Variants in LRPPRC observed in about 807,000 individuals in gnomAD.
LRPPRC encodes the protein leucine rich pentatricopeptide repeat containing.
Under a neutral mutation model 180.3 loss-of-function variants are expected in LRPPRC, and 120 were observed. The ratio of observed to expected loss-of-function variants is 0.67; its 90% CI spans 0.57 to 0.77. The LOEUF is 0.77. LRPPRC is among the 30% of genes least tolerant of loss of function. LRPPRC has a pLI of 0.00. For missense variants in LRPPRC, 2,012 were observed against 1,657.2 expected, an observed-to-expected ratio of 1.21 and a Z score of -3.72; for synonymous variants, 723 against 600.0, an observed-to-expected ratio of 1.21 and a Z score of -3.00.
In LRPPRC at chr2:43,989,866, C is replaced by T. The variant is rs775592528; in HGVS notation, c.149+5933G>A. Among the ~76,000 whole-genome samples the T allele has an allele frequency of 9.2e-5, 14 of 152,114 alleles. No homozygotes were observed. In the East Asian group the frequency reaches 2.7e-3, roughly 29 times the overall value. On this transcript the variant is annotated intron_variant, in intron 1 of 37. Coordinates refer to ENST00000260665, the MANE Select transcript of LRPPRC (RefSeq NM_133259.4). ...ACCCTGTTTCCTAATTTGTAATAACCCACGGAAGTTGAAATGTTTGTATGA... is the reference window on the plus strand; with the variant it reads ...ACCCTGTTTCCTAATTTGTAATAACTCACGGAAGTTGAAATGTTTGTATGA...
chr2:43,891,854 C>G (rs569914692), intron 36 of LRPPRC, among the ~76,000 whole-genome samples: 2 of 152,222 alleles, frequency 1.3e-5, no homozygotes, highest in African/African-American at 4.8e-5. Flanking sequence ...TTGCGTGGAA[C>G]AGCCAGTTGT....
chr2:43,935,014 G>A (rs568691756), intron 23 of LRPPRC, 136 bp from the exon 24 acceptor site: 12 of 619,436 alleles, frequency 1.9e-5, no homozygotes, highest in Non-Finnish European at 3.3e-5. Flanking sequence ...AAACCACAAA[G>A]CTAAAATGGG....
rs200115839 is a variant in LRPPRC, at chr2:43,957,374, G to C, written c.1649+11C>G. On this transcript the variant is annotated intron_variant, in intron 14 of 37. Transcript: ENST00000260665. ...TGTTCAGGCAAGGAACATTTAAGTT[G>C]ATCATCTTACCTCCTGAAGCCTAGC... 6.9e-6 allele frequency: 11 copies of C among 1,597,672 alleles called. No individual in the cohort carries two copies. The highest frequency in any genetic ancestry group is 9.4e-6 in the Non-Finnish European group (11 of 1,165,122).
chr2:43,916,196 A>G (rs1671460244), intron 29 of LRPPRC, among the ~76,000 whole-genome samples: 1 of 152,252 alleles, frequency 6.6e-6, no homozygotes, highest in Admixed American at 6.5e-5. Context: ...ATGGTAAACT[A>G]TCATGAACCA....
chr2:43,925,695 C>T (rs1558950716), intron 26 of LRPPRC, among the ~76,000 whole-genome samples, 198 bp downstream of exon 26: 1 of 152,084 alleles, frequency 6.6e-6, no homozygotes, highest in Non-Finnish European at 1.5e-5. Flanking sequence ...ATCATCAGGG[C>T]CCAGGTTAAC....
chr2:43,965,389 T>C (rs1394245532), intron 11 of LRPPRC, among the ~76,000 whole-genome samples: 1 of 152,050 alleles, frequency 6.6e-6, no homozygotes, highest in African/African-American at 2.4e-5. Flanking sequence ...TACACAAAAA[T>C]CAACTCAAAA....
chr2:43,934,605 A>G lies in LRPPRC; in HGVS notation c.2629+149T>C. On this transcript the variant is annotated intron_variant, in intron 24 of 37. Coordinates refer to ENST00000260665, the MANE Select transcript of LRPPRC (RefSeq NM_133259.4). ...AGAACATGTATAATATTGGAAATCT[A>G]CCTGATATTTTTCTTTTAGATTTCA... 3 of 652,554 alleles carry G rather than the reference A, an allele frequency of 4.6e-6. No individual in the cohort carries two copies. In the South Asian group the frequency reaches 6.3e-5, roughly 14 times the overall value. 40.4% of individuals were successfully genotyped at this position (652,554 alleles called of 1,614,324 possible).
At chr2:43,912,658 T>C in intron 29 of LRPPRC, 100 bp from the exon 30 acceptor site, 1 of 929,262 alleles carries the variant, frequency 1.1e-6, no homozygotes, top group South Asian at 1.4e-5. Flanking sequence ...CAAATATTTT[T>C]GCTTTTTAAT....
At chr2:43,901,597 T>A in intron 31 of LRPPRC, 73 bp from the exon 32 acceptor site, 2 of 924,366 alleles carry the variant, frequency 2.2e-6, no homozygotes, top group Non-Finnish European at 3.6e-6. Context: ...GAAAACCAGC[T>A]TTTAAATATG....
intron 14 of LRPPRC, among the ~76,000 whole-genome samples, chr2:43,950,988 T>C (rs868376778): frequency 6.6e-6 from 1 of 152,182 alleles, no homozygotes; most frequent in Non-Finnish European, 1.5e-5. Context: ...GAGAATTGCC[T>C]GAACCCGGGA....
In LRPPRC at chr2:43,912,517, C is replaced by G; in HGVS notation, c.3190G>C (p.Val1064Leu). Residue 1064 changes from valine to leucine, a missense_variant, in exon 30 of 38, where the codon GTG becomes CTG. Transcript: ENST00000260665. The part of the protein sequence containing the change: ...IFLNAKEQNI[V>L]FNAETYSNLI... ...TTGCTGTAGGTTTCAGCATTAAACACAATGTTTTGCTCTTTTGCATTCAGG... is the reference window on the plus strand; with the variant it reads ...TTGCTGTAGGTTTCAGCATTAAACAGAATGTTTTGCTCTTTTGCATTCAGG... The G allele has an allele frequency of 6.2e-7, 1 of 1,605,248 alleles. No homozygotes were observed. Among genetic ancestry groups the G allele is most frequent in the African/African-American group, 1.3e-5 (1 of 74,826 alleles).
chr2:43,940,641 T>A (rs1672446696), intron 23 of LRPPRC, among the ~76,000 whole-genome samples: 1 of 152,134 alleles, frequency 6.6e-6, no homozygotes, highest in African/African-American at 2.4e-5. Context: ...TTAAACAGCT[T>A]CAGTTATTTT....
chr2:43,972,017 A>T (rs1673838011), intron 11 of LRPPRC, among the ~76,000 whole-genome samples: 1 of 152,244 alleles, frequency 6.6e-6, no homozygotes, highest in African/African-American at 2.4e-5. Flanking sequence ...TCGTGTAAAA[A>T]CTGGCAACTA....
chr2:43,915,230 TCTCACACACACACACA>T (rs1353478497), intron 29 of LRPPRC, among the ~76,000 whole-genome samples: 1 of 47,404 alleles, frequency 2.1e-5, no homozygotes, highest in Admixed American at 2.3e-4. Context: ...TCTCTCTCTC[TCTCACACACACACACA>T]CACACACACA....
chr2:43,917,585 C>G (rs1018012445), intron 29 of LRPPRC, among the ~76,000 whole-genome samples: 6 of 151,838 alleles, frequency 4.0e-5, no homozygotes, highest in African/African-American at 1.5e-4. Flanking sequence ...GTCAGGAGAT[C>G]GAAACCATCC....
Position 43,892,807 on chromosome 2 carries a change from TAAAAA to T in LRPPRC, c.3985+1733_3985+1737del, listed in dbSNP as rs879611988. 3.5e-5 allele frequency: 5 copies of T among 144,050 alleles called. No homozygotes were observed. The East Asian group carries it at 8.0e-4, about 23-fold the overall frequency. The allele number at this position is 144,050 out of a possible 1,614,324, so 8.9% of individuals were successfully genotyped here. On this transcript the variant is annotated intron_variant, in intron 36 of 37. Transcript: ENST00000260665. ...GCGTTCCATGTTTTAAACATAAAAT[TAAAAA>T]AAAAAAACATGTTTCATAAGGCTAT... is the stretch of plus-strand genomic sequence containing the variant.
chr2:43,955,119 C>T (rs1324814237), intron 14 of LRPPRC, among the ~76,000 whole-genome samples: 1 of 151,862 alleles, frequency 6.6e-6, no homozygotes. Flanking sequence ...GCATCTTTTG[C>T]AGGGAAAGAT....
chr2:43,890,166 C>T (rs569488898), intron 36 of LRPPRC: 2 of 442,238 alleles, frequency 4.5e-6, no homozygotes, highest in Admixed American at 3.5e-5. Flanking sequence ...TTATTTAAGA[C>T]CTATGATAGT....
chr2:43,911,093 T>C, intron 30 of LRPPRC, among the ~76,000 whole-genome samples: 1 of 151,726 alleles, frequency 6.6e-6, no homozygotes, highest in East Asian at 1.9e-4. Flanking sequence ...GATGACAGGA[T>C]ACTGCTCACT....
Sources: gnomAD v4.1 joint callset for allele counts (sites outside exome capture counted in the v4.1 genomes callset) on GRCh38, gnomAD v4.1.1 for gene constraint, MANE v1.5 for transcripts, NCBI Gene and HGNC (gene_info 2026-07-23, HGNC 2026-07-21) for gene names.